Variants in SLCO1B1 observed in about 807,000 individuals in gnomAD.
SLCO1B1 encodes the protein OATP-2.
In SLCO1B1, 81 loss-of-function variants were observed where a neutral mutation model predicts 70.1. The ratio of observed to expected loss-of-function variants is 1.16; its 90% CI spans 0.97 to 1.39. The LOEUF is 1.39. SLCO1B1 is among the 40% of genes most tolerant of loss of function. SLCO1B1 has a pLI of 0.00. For missense variants in SLCO1B1, 895 were observed against 799.6 expected, an observed-to-expected ratio of 1.12 and a Z score of -1.44; for synonymous variants, 283 against 271.5, an observed-to-expected ratio of 1.04 and a Z score of -0.42.
At chr12:21,150,819 A>G (rs574202988) in intron 2 of SLCO1B1, among the ~76,000 whole-genome samples, 10 of 152,276 alleles carry the variant, frequency 6.6e-5, no homozygotes, top group Non-Finnish European at 1.3e-4. Context: ...CTTTTAATCT[A>G]TATGTGTTTA....
intron 7 of SLCO1B1, among the ~76,000 whole-genome samples, chr12:21,181,704 A>C (rs779568825): frequency 1.3e-5 from 2 of 151,986 alleles, no homozygotes; most frequent in African/African-American, 2.4e-5. Context: ...CCTTCTTAAC[A>C]GGTTTTGAAA....
At chr12:21,143,999 G>A (rs1940348673) in intron 2 of SLCO1B1, among the ~76,000 whole-genome samples, 1 of 142,722 alleles carries the variant, frequency 7.0e-6, no homozygotes, top group Admixed American at 7.5e-5. Flanking sequence ...ACAAAACTTT[G>A]AGAAATCAAA....
chr12:21,182,345 T>G (rs999344954), intron 7 of SLCO1B1, among the ~76,000 whole-genome samples: 10 of 152,046 alleles, frequency 6.6e-5, no homozygotes, highest in African/African-American at 2.4e-4. Context: ...GAAATAGAAC[T>G]ACAGCCAGCC....
intron 1 of SLCO1B1, among the ~76,000 whole-genome samples, chr12:21,135,341 C>G (rs1024769974): frequency 6.6e-6 from 1 of 152,100 alleles, no homozygotes; most frequent in Non-Finnish European, 1.5e-5. Context: ...CTGTAGATGT[C>G]TATTAGGTCC....
chr12:21,141,025 C>G (rs1047973416), intron 1 of SLCO1B1, among the ~76,000 whole-genome samples: 18 of 151,896 alleles, frequency 1.2e-4, no homozygotes, highest in African/African-American at 4.3e-4. Flanking sequence ...GAGCCTGATT[C>G]CAGTGGTGTC....
At chr12:21,167,794 A>G (rs1940705582) in intron 2 of SLCO1B1, among the ~76,000 whole-genome samples, 1 of 145,022 alleles carries the variant, frequency 6.9e-6, no homozygotes, top group Non-Finnish European at 1.5e-5. Context: ...TACTTTAAAT[A>G]TTTCTTTCTT....
intron 13 of SLCO1B1, among the ~76,000 whole-genome samples, chr12:21,224,326 T>C (rs1475736324): frequency 6.6e-6 from 1 of 152,184 alleles, no homozygotes. Flanking sequence ...CAAGATCTTT[T>C]TCCTTTCCCC....
At chr12:21,171,837 G>A (rs561693088) in intron 2 of SLCO1B1, among the ~76,000 whole-genome samples, 1 of 152,134 alleles carries the variant, frequency 6.6e-6, no homozygotes, top group South Asian at 2.1e-4. Flanking sequence ...TTGGGGGTAG[G>A]GGAGAGAGAG....
At position 21,169,587 on chromosome 12, in the gene SLCO1B1, G is replaced by C. The variant is rs185094764; in HGVS notation, c.85-3063G>C. 3.3e-5 allele frequency among the ~76,000 whole-genome samples: 5 copies of C among 152,122 alleles called. No individual in the cohort carries two copies. The East Asian group carries it at 9.7e-4, about 29-fold the overall frequency. ...TTTGGTTCTTCATAGTTTATAATCT[G>C]TTAATATTGCTATTTTGTTTATTTG... On this transcript the variant is annotated intron_variant, in intron 2 of 14. Transcript: ENST00000256958.
At chr12:21,231,659 A>G (rs1941539918) in intron 14 of SLCO1B1, among the ~76,000 whole-genome samples, 1 of 152,052 alleles carries the variant, frequency 6.6e-6, no homozygotes, top group Non-Finnish European at 1.5e-5. Flanking sequence ...ACAGACACAC[A>G]CACATATATA....
intron 14 of SLCO1B1, among the ~76,000 whole-genome samples, chr12:21,232,052 A>C (rs977944788): frequency 6.6e-6 from 1 of 152,154 alleles, no homozygotes; most frequent in African/African-American, 2.4e-5. Context: ...AGAATCTTCA[A>C]AGGTAACTCA....
intron 7 of SLCO1B1, among the ~76,000 whole-genome samples, chr12:21,180,612 T>C (rs1940883877): frequency 6.6e-6 from 1 of 152,188 alleles, no homozygotes; most frequent in Non-Finnish European, 1.5e-5. Flanking sequence ...CAAGATGGGA[T>C]AGACATCACA....
intron 11 of SLCO1B1, among the ~76,000 whole-genome samples, chr12:21,214,368 C>T (rs554422170): frequency 1.3e-5 from 2 of 150,516 alleles, no homozygotes; most frequent in East Asian, 2.0e-4. Flanking sequence ...CCCAGTTAGG[C>T]TGCTCAGGGG....
At chr12:21,134,467 C>CT (rs899390673) in intron 1 of SLCO1B1, among the ~76,000 whole-genome samples, 12 of 151,792 alleles carry the variant, frequency 7.9e-5, no homozygotes, top group African/African-American at 2.2e-4. Flanking sequence ...TGGTCCTGGA[C>CT]TTTTTTTTGT....
At chr12:21,214,939 A>G (rs1941340241) in intron 11 of SLCO1B1, among the ~76,000 whole-genome samples, 2 of 151,736 alleles carry the variant, frequency 1.3e-5, no homozygotes, top group Admixed American at 1.3e-4. Context: ...CGGTGCGCGC[A>G]CCCACTGACC....
intron 1 of SLCO1B1, among the ~76,000 whole-genome samples, chr12:21,132,133 A>G (rs975945297): frequency 6.6e-6 from 1 of 152,150 alleles, no homozygotes; most frequent in Non-Finnish European, 1.5e-5. Context: ...GATGGTTTCC[A>G]GTTTCATCCA....
intron 14 of SLCO1B1, among the ~76,000 whole-genome samples, chr12:21,227,749 T>A (rs992777858): frequency 3.3e-5 from 5 of 152,122 alleles, no homozygotes; most frequent in Admixed American, 3.3e-4. Flanking sequence ...CAACTTCAAG[T>A]ATTAATGTAA....
intron 7 of SLCO1B1, among the ~76,000 whole-genome samples, chr12:21,182,416 A>G (rs1441668315): frequency 6.6e-6 from 1 of 152,160 alleles, no homozygotes; most frequent in African/African-American, 2.4e-5. Context: ...TAGGCGCCCA[A>G]CATCCAAGGC....
At chr12:21,213,205 G>T (rs1428334668) in intron 11 of SLCO1B1, among the ~76,000 whole-genome samples, 3 of 152,234 alleles carry the variant, frequency 2.0e-5, no homozygotes, top group African/African-American at 7.2e-5. Context: ...GCTGGTACCA[G>T]TTGTTCCTTT....
Sources: gnomAD v4.1 joint callset for allele counts (sites outside exome capture counted in the v4.1 genomes callset) on GRCh38, gnomAD v4.1.1 for gene constraint, MANE v1.5 for transcripts, NCBI Gene and HGNC (gene_info 2026-07-23, HGNC 2026-07-21) for gene names.